Variants in CXADR observed in about 807,000 individuals in gnomAD.
CXADR encodes coxsackievirus and adenovirus receptor.
In CXADR, 20 loss-of-function variants were observed where a neutral mutation model predicts 40.3. The observed-to-expected ratio is 0.50, with a 90% CI of 0.35 to 0.72. The LOEUF (loss-of-function observed/expected upper bound fraction) is 0.72. Among genes scored for constraint, CXADR ranks in the 30% least tolerant of loss-of-function variants. The probability of loss-of-function intolerance (pLI) is 0.01; values close to 1 mark genes in which losing one functional copy is unlikely to be tolerated. For missense variants in CXADR, 332 were observed against 449.1 expected (o/e 0.74, Z 2.36); for synonymous variants, 150 against 161.3 (o/e 0.93, Z 0.53).
the CXADR span, among the ~76,000 whole-genome samples, chr21:17,625,118 C>T: frequency 6.6e-6 from 1 of 151,982 alleles, no homozygotes; most frequent in South Asian, 2.1e-4. Context: ...GTAAAATGTT[C>T]AATAAATATT....
rs555230087 is a variant in CXADR at position 17,550,280 on chromosome 21, G to T, written c.211-1469G>T. Among the ~76,000 whole-genome samples, 156 of 151,554 alleles carry T rather than the reference G, an allele frequency of 1.0e-3. 1 individual carries two copies. The highest frequency in any genetic ancestry group is 3.7e-3 in the African/African-American group (151 of 41,312). On this transcript the variant is annotated intron_variant, in intron 2 of 6. Coordinates refer to ENST00000284878, the MANE Select transcript of CXADR (RefSeq NM_001338.5). ...GAGGCAGGAGAATCGCTTTAACCCA[G>T]GAGGTGGAGGTTGCATTGAGCCAAG...
At chr21:17,559,680 T>G (rs1244298591) in intron 4 of CXADR, among the ~76,000 whole-genome samples, 5 of 147,468 alleles carry the variant, frequency 3.4e-5, no homozygotes, top group African/African-American at 5.0e-5. Context: ...TTTTTTTTTT[T>G]TTTTTTTTTT....
intron 6 of CXADR, among the ~76,000 whole-genome samples, chr21:17,563,378 T>C (rs2061150783): frequency 2.0e-5 from 3 of 151,738 alleles, no homozygotes; most frequent in Admixed American, 2.0e-4. Flanking sequence ...CTAATTTCAA[T>C]ATCATTGTGT....
chr21:17,572,510 CAG>C (rs932846639), downstream of CXADR, among the ~76,000 whole-genome samples: 5 of 152,276 alleles, frequency 3.3e-5, no homozygotes, highest in East Asian at 1.9e-4. Context: ...ACACGGAAAA[CAG>C]AACTCATTGT....
intron 7 of CXADR, among the ~76,000 whole-genome samples, chr21:17,582,335 AT>A (rs1483141224): frequency 2.6e-5 from 4 of 152,094 alleles, no homozygotes; most frequent in Non-Finnish European, 4.4e-5. Context: ...AATATTAATA[AT>A]ATTAGTTCTT....
chr21:17,626,845 G>A, the CXADR span: 12 of 152,176 alleles, frequency 7.9e-5, no homozygotes, highest in African/African-American at 2.7e-4. Context: ...TATTGTTTTA[G>A]TTGAGAAAGA....
At chr21:17,630,679 G>A in the CXADR span, among the ~76,000 whole-genome samples, 4 of 96,198 alleles carry the variant, frequency 4.2e-5, no homozygotes, top group African/African-American at 1.6e-4. Flanking sequence ...GGTTTCTCAT[G>A]GTATTGATTT....
At chr21:17,555,423 G>A (rs574431784) in intron 3 of CXADR, among the ~76,000 whole-genome samples, 1 of 152,314 alleles carries the variant, frequency 6.6e-6, no homozygotes, top group Admixed American at 6.5e-5. Flanking sequence ...AAAATACAAG[G>A]AAGTTTCTGA....
At chr21:17,581,180 A>G (rs1032812051) in intron 7 of CXADR, among the ~76,000 whole-genome samples, 12 of 152,222 alleles carry the variant, frequency 7.9e-5, no homozygotes, top group African/African-American at 2.9e-4. Flanking sequence ...GTGATACACT[A>G]TAACGTATAT....
chr21:17,615,759 G>T, the CXADR span, among the ~76,000 whole-genome samples: 1 of 152,136 alleles, frequency 6.6e-6, no homozygotes, highest in African/African-American at 2.4e-5. Flanking sequence ...GGTTTCTTAT[G>T]AAAATGAGCC....
chr21:17,560,861 G>T, intron 5 of CXADR, 37 bp downstream of exon 5: 1 of 1,609,550 alleles, frequency 6.2e-7, no homozygotes, highest in Non-Finnish European at 8.5e-7. Flanking sequence ...TTTTGTTTCT[G>T]TTATCTTTAT....
In CXADR at chr21:17,569,782, A is replaced by G; in HGVS notation, c.*4090A>G. 1.0e-6 allele frequency: 1 copy of G among 985,288 alleles called. No homozygotes were observed. Among genetic ancestry groups the G allele is most frequent in the Non-Finnish European group, 1.2e-6 (1 of 829,790 alleles). 61.0% of individuals were successfully genotyped at this position (985,288 alleles called of 1,614,324 possible). A position where few individuals can be genotyped will look rare whatever the true frequency, so the allele number is the denominator to read the frequency against. ...TCGAGACTAAAAGCTCCATCAAAAC[A>G]GAACTTTGTGTTTTCTGCTAACTTA... On this transcript the variant is annotated 3_prime_UTR_variant, in exon 7 of 7. Transcript: ENST00000284878.
At chr21:17,587,685 T>A (rs2061407543) in intron 7 of CXADR, among the ~76,000 whole-genome samples, 1 of 152,190 alleles carries the variant, frequency 6.6e-6, no homozygotes, top group Admixed American at 6.5e-5. Context: ...ATTCTGTAGG[T>A]TGCCTGTTCA....
intron 1 of CXADR, among the ~76,000 whole-genome samples, chr21:17,524,516 C>A (rs796619294): frequency 5.1e-5 from 7 of 137,778 alleles, no homozygotes; most frequent in African/African-American, 2.0e-4. Context: ...GCAGAGGCTG[C>A]AGTGAGCCGA....
the CXADR span, among the ~76,000 whole-genome samples, chr21:17,624,988 A>G: frequency 6.6e-6 from 1 of 152,084 alleles, no homozygotes; most frequent in Non-Finnish European, 1.5e-5. Flanking sequence ...TCTAACCACT[A>G]TCTGACAGAA....
At chr21:17,518,958 C>T (rs927224133) in intron 1 of CXADR, 1 of 1,609,202 alleles carries the variant, frequency 6.2e-7, no homozygotes, top group Admixed American at 1.7e-5. Flanking sequence ...CTATCCGGAC[C>T]TGAGCCTGAA....
chr21:17,576,513 G>T (rs2062701933), intron 7 of CXADR, among the ~76,000 whole-genome samples: 1 of 152,132 alleles, frequency 6.6e-6, no homozygotes, highest in Non-Finnish European at 1.5e-5. Context: ...TATTATTCTT[G>T]TATTATACTA....
chr21:17,524,073 T>C (rs927597616), intron 1 of CXADR, among the ~76,000 whole-genome samples: 10 of 151,656 alleles, frequency 6.6e-5, no homozygotes, highest in African/African-American at 2.4e-4. Flanking sequence ...TGTGTATTTT[T>C]AGTAGAGTTG....
At chr21:17,585,217 T>C (rs2061386457) in intron 7 of CXADR, among the ~76,000 whole-genome samples, 1 of 152,206 alleles carries the variant, frequency 6.6e-6, no homozygotes, top group Non-Finnish European at 1.5e-5. Context: ...TGCATTGAGA[T>C]ATATGATTGA....
Sources: gnomAD v4.1 joint callset for allele counts (sites outside exome capture counted in the v4.1 genomes callset) on GRCh38, gnomAD v4.1.1 for gene constraint, MANE v1.5 for transcripts, NCBI Gene and HGNC (gene_info 2026-07-23, HGNC 2026-07-21) for gene names.